Variants in SLC5A4 observed in about 807,000 individuals in gnomAD.
SLC5A4 encodes the protein probable glucose sensor protein SLC5A4.
SLC5A4 carries 55 observed loss-of-function variants against 70.3 expected under a neutral mutation model. That is an observed-to-expected ratio of 0.78 (90% CI 0.63 to 0.98). SLC5A4 has a LOEUF of 0.98. SLC5A4 is among the 50% of genes least tolerant of loss of function. The pLI is 0.00. For synonymous variants in SLC5A4, 268 were observed against 305.7 expected (o/e 0.88, Z 1.29); for missense variants, 735 against 839.2 (o/e 0.88, Z 1.53).
At chr22:32,303,985 G>C in the SLC5A4 span, among the ~76,000 whole-genome samples, 1 of 152,136 alleles carries the variant, frequency 6.6e-6, no homozygotes, top group Non-Finnish European at 1.5e-5. Context: ...TCTGGATTTT[G>C]GCCATTCTAA....
chr22:32,351,591 A>AC, the SLC5A4 span, among the ~76,000 whole-genome samples: 1 of 149,774 alleles, frequency 6.7e-6, no homozygotes, highest in African/African-American at 2.5e-5. Flanking sequence ...AATCCCAGCT[A>AC]CTCAAGAGGC....
the SLC5A4 span, among the ~76,000 whole-genome samples, chr22:32,336,065 C>A: frequency 6.6e-6 from 1 of 152,222 alleles, no homozygotes; most frequent in African/African-American, 2.4e-5. Flanking sequence ...CCTCCCTGAC[C>A]CAGGACAAAG....
At chr22:32,295,445 G>A in the SLC5A4 span, among the ~76,000 whole-genome samples, 1 of 111,356 alleles carries the variant, frequency 9.0e-6, no homozygotes, top group Non-Finnish European at 2.0e-5. Flanking sequence ...ATGTTTTTTG[G>A]CTGCATAAAT....
the SLC5A4 span, among the ~76,000 whole-genome samples, chr22:32,315,991 A>C: frequency 6.6e-6 from 1 of 151,288 alleles, no homozygotes; most frequent in Non-Finnish European, 1.5e-5. Flanking sequence ...ACATGATGAA[A>C]CCCCGTCTCT....
the SLC5A4 span, among the ~76,000 whole-genome samples, chr22:32,310,884 C>T: frequency 1.3e-5 from 2 of 152,216 alleles, no homozygotes; most frequent in Non-Finnish European, 2.9e-5. Flanking sequence ...CACAGTGTGA[C>T]TCACAGTGGA....
chr22:32,245,741 C>T (rs1926781481), intron 5 of SLC5A4, among the ~76,000 whole-genome samples: 1 of 152,104 alleles, frequency 6.6e-6, no homozygotes, highest in Non-Finnish European at 1.5e-5. Context: ...GGATGGTCTC[C>T]ATCTCTTGAC....
At chr22:32,283,191 G>T in the SLC5A4 span, among the ~76,000 whole-genome samples, 1 of 152,140 alleles carries the variant, frequency 6.6e-6, no homozygotes, top group African/African-American at 2.4e-5. Flanking sequence ...CAGCCACACT[G>T]CCCTCTTTCC....
At chr22:32,237,962 C>T (rs1926159027) in intron 6 of SLC5A4, among the ~76,000 whole-genome samples, 1 of 152,166 alleles carries the variant, frequency 6.6e-6, no homozygotes, top group African/African-American at 2.4e-5. Flanking sequence ...TTCTGAAACA[C>T]ATGCTCTGTG....
the SLC5A4 span, among the ~76,000 whole-genome samples, chr22:32,331,678 C>T: frequency 7.9e-5 from 12 of 152,184 alleles, no homozygotes; most frequent in East Asian, 1.9e-4. Flanking sequence ...CTGGAGCCCA[C>T]GGATTGTACC....
At chr22:32,334,486 C>G in the SLC5A4 span, among the ~76,000 whole-genome samples, 1 of 152,212 alleles carries the variant, frequency 6.6e-6, no homozygotes, top group Non-Finnish European at 1.5e-5. Context: ...GCCTGGGGCA[C>G]AGTGATGGCC....
intron 5 of SLC5A4, among the ~76,000 whole-genome samples, chr22:32,240,323 C>T (rs977762454): frequency 1.2e-4 from 19 of 152,106 alleles, no homozygotes; most frequent in African/African-American, 4.3e-4. Context: ...TTAAAAATCT[C>T]TCTAAGGCAA....
At chr22:32,230,178 C>T (rs1925664870) in intron 10 of SLC5A4, among the ~76,000 whole-genome samples, 1 of 151,878 alleles carries the variant, frequency 6.6e-6, no homozygotes, top group African/African-American at 2.4e-5. Context: ...TGGTTGTGGG[C>T]CAAAAGTTGA....
chr22:32,278,866 A>C, the SLC5A4 span, among the ~76,000 whole-genome samples: 4 of 152,280 alleles, frequency 2.6e-5, no homozygotes, highest in Admixed American at 2.0e-4. Context: ...AGATCAAGTC[A>C]GATACAGTTC....
the SLC5A4 span, among the ~76,000 whole-genome samples, chr22:32,327,778 C>T: frequency 6.6e-6 from 1 of 152,140 alleles, no homozygotes; most frequent in South Asian, 2.1e-4. Flanking sequence ...GATGTAGTCA[C>T]TCTCAGGGGA....
At chr22:32,226,484 C>G (rs1603225674) in intron 11 of SLC5A4, among the ~76,000 whole-genome samples, 1 of 152,318 alleles carries the variant, frequency 6.6e-6, no homozygotes, top group East Asian at 1.9e-4. Context: ...TCTCTGCTCA[C>G]ATGAAACAGA....
chr22:32,320,938 A>G, the SLC5A4 span, among the ~76,000 whole-genome samples: 1 of 152,210 alleles, frequency 6.6e-6, no homozygotes, highest in Non-Finnish European at 1.5e-5. Context: ...GCTGGTCTTC[A>G]GGGGCAACCC....
chr22:32,264,133 C>T, the SLC5A4 span, among the ~76,000 whole-genome samples: 2 of 150,958 alleles, frequency 1.3e-5, no homozygotes, highest in South Asian at 2.1e-4. Context: ...CACGCGTATA[C>T]GTATGTAACA....
At chr22:32,271,777 G>C in the SLC5A4 span, 1 of 594,072 alleles carries the variant, frequency 1.7e-6, no homozygotes, top group Non-Finnish European at 3.2e-6. Flanking sequence ...TCAACAGACA[G>C]GGCAAACTGA....
At chr22:32,354,523 G>A in the SLC5A4 span, among the ~76,000 whole-genome samples, 2 of 151,720 alleles carry the variant, frequency 1.3e-5, no homozygotes, top group African/African-American at 4.8e-5. Context: ...TGCCTGACAA[G>A]GGCAATGCAA....
Sources: gnomAD v4.1 joint callset for allele counts (sites outside exome capture counted in the v4.1 genomes callset) on GRCh38, gnomAD v4.1.1 for gene constraint, MANE v1.5 for transcripts, NCBI Gene and HGNC (gene_info 2026-07-23, HGNC 2026-07-21) for gene names.